The following ZNF566 variants were observed in gnomAD, a reference collection of about 807,000 sequenced individuals.
The protein encoded by ZNF566 is zinc finger protein 566.
In ZNF566, 27 loss-of-function variants were observed where a neutral mutation model predicts 32.8. The ratio of observed to expected loss-of-function variants is 0.82; its 90% CI spans 0.61 to 1.14. The LOEUF is 1.14. Among genes scored for constraint, ZNF566 ranks in the 50% most tolerant of loss-of-function variants. The pLI, the probability that ZNF566 is intolerant of heterozygous loss-of-function variation, is 0.00. For synonymous variants in ZNF566, 154 were observed against 159.5 expected, an observed-to-expected ratio of 0.97 and a Z score of 0.26; for missense variants, 402 against 490.4, an observed-to-expected ratio of 0.82 and a Z score of 1.70.
At chr19:36,481,491 A>AAAG (rs1555775218) in intron 1 of ZNF566, among the ~76,000 whole-genome samples, 21 of 135,094 alleles carry the variant, frequency 1.6e-4, no homozygotes, top group Non-Finnish European at 2.5e-4. Flanking sequence ...AAAAAAAAAA[A>AAAG]AAAAGAAAAG....
At position 36,459,819 on chromosome 19, in the gene ZNF566, C is replaced by CT. The variant is rs77529506; in HGVS notation, c.233-9819dup. On this transcript the variant is annotated intron_variant, in intron 4 of 4. Transcript: ENST00000452939. ...AGCCACCGCGCCTGGCCACCTATTA[C>CT]TTTTTTTTTTTTTTTTTGAGACAGA... 9.7e-3 allele frequency among the ~76,000 whole-genome samples: 1,311 copies of CT among 135,236 alleles called. 20 individuals carry two copies. Among genetic ancestry groups the CT allele is most frequent in the African/African-American group, 0.033 (1,193 of 36,592 alleles). The allele number at this position is 135,236 out of a possible 152,430, so 88.7% of individuals were successfully genotyped here.
At chr19:36,471,746 CTTTT>C in intron 4 of ZNF566, among the ~76,000 whole-genome samples, 1 of 151,654 alleles carries the variant, frequency 6.6e-6, no homozygotes, top group African/African-American at 2.4e-5. Context: ...TATGCATGTT[CTTTT>C]TTTTCTTTTT....
chr19:36,486,454 C>A (rs977611250), intron 1 of ZNF566, among the ~76,000 whole-genome samples: 1 of 151,962 alleles, frequency 6.6e-6, no homozygotes, highest in Non-Finnish European at 1.5e-5. Flanking sequence ...GTTGGATCAC[C>A]TGAGATCAGG....
chr19:36,467,727 G>A lies in ZNF566; in HGVS notation c.232+5184C>T, dbSNP rs185248330. 7.7e-5 allele frequency among the ~76,000 whole-genome samples: 11 copies of A among 142,966 alleles called. No homozygotes were observed. In the East Asian group the frequency reaches 2.3e-3, roughly 30 times the overall value. The allele number at this position is 142,966 out of a possible 152,430, so 93.8% of individuals were successfully genotyped here. A position where few individuals can be genotyped will look rare whatever the true frequency, so the allele number is the denominator to read the frequency against. ...AATTGCTTGAACCTGGAAGGCAGAGGTTGCAGTGAGCTGAGATCATGCCAC... is the reference window on the plus strand; with the variant it reads ...AATTGCTTGAACCTGGAAGGCAGAGATTGCAGTGAGCTGAGATCATGCCAC... On this transcript the variant is annotated intron_variant, in intron 4 of 4. Coordinates refer to ENST00000452939, the MANE Select transcript of ZNF566 (RefSeq NM_001145344.1).
chr19:36,447,407 T>C lies in ZNF566; in HGVS notation c.*1570A>G, dbSNP rs754562634. The C allele has an allele frequency of 4.6e-5, 7 of 152,230 alleles. No homozygotes were observed. The highest frequency in any genetic ancestry group is 7.3e-5 in the Non-Finnish European group (5 of 68,046). 9.4% of individuals were successfully genotyped at this position (152,230 alleles called of 1,614,324 possible). A position where few individuals can be genotyped will look rare whatever the true frequency, so the allele number is the denominator to read the frequency against. On this transcript the variant is annotated 3_prime_UTR_variant, in exon 5 of 5. Coordinates refer to ENST00000452939, the MANE Select transcript of ZNF566 (RefSeq NM_001145344.1). ...TGCTTCATTAGTAATAGTTAACTGA[T>C]CACATGCTAATTTTTCCCTGTTCTC...
Position 36,448,642 on chromosome 19 carries a change from C to CCG in ZNF566, c.*334_*335insCG, listed in dbSNP as rs1185330654. 1 of 180,012 alleles carries CCG rather than the reference C, an allele frequency of 5.6e-6. No individual in the cohort carries two copies. Among genetic ancestry groups the CCG allele is most frequent in the East Asian group, 1.5e-4 (1 of 6,786 alleles). The allele number at this position is 180,012 out of a possible 1,614,324, so 11.2% of individuals were successfully genotyped here. A position where few individuals can be genotyped will look rare whatever the true frequency, so the allele number is the denominator to read the frequency against. On this transcript the variant is annotated 3_prime_UTR_variant, in exon 5 of 5. Coordinates refer to ENST00000452939, the MANE Select transcript of ZNF566 (RefSeq NM_001145344.1). ...AGAAATTAGGGGAAAAAATGACAAT[C>CCG]ACAGGACTACATTTCTACAAAAATT... is the stretch of plus-strand genomic sequence containing the variant.
intron 1 of ZNF566, among the ~76,000 whole-genome samples, chr19:36,487,282 C>T (rs2891868): frequency 0.18 from 27,861 of 151,920 alleles, 2,771 homozygotes; most frequent in Non-Finnish European, 0.23. Flanking sequence ...ATGAGAGCTT[C>T]GTAGTATCTA....
chr19:36,466,281 G>T (rs932492915), intron 4 of ZNF566, among the ~76,000 whole-genome samples: 6 of 152,274 alleles, frequency 3.9e-5, no homozygotes, highest in Non-Finnish European at 8.8e-5. Context: ...AGACAACAAT[G>T]TACAGCTGTC....
At chr19:36,455,774 C>T (rs2033288840) in intron 4 of ZNF566, among the ~76,000 whole-genome samples, 1 of 149,976 alleles carries the variant, frequency 6.7e-6, no homozygotes, top group East Asian at 2.0e-4. Context: ...CATGCAGTGG[C>T]TTATGCCTGT....
At chr19:36,477,533 TTTTG>T (rs950980880) in intron 1 of ZNF566, among the ~76,000 whole-genome samples, 14 of 106,078 alleles carry the variant, frequency 1.3e-4, no homozygotes, top group Admixed American at 9.3e-4. Context: ...TCTGTTTTTT[TTTTG>T]TTTGTTTGTT....
chr19:36,457,386 A>G (rs974712624), intron 4 of ZNF566, among the ~76,000 whole-genome samples: 11 of 152,264 alleles, frequency 7.2e-5, no homozygotes, highest in Admixed American at 6.5e-5. Flanking sequence ...GAGACTATCC[A>G]CAGAGTGGGA....
chr19:36,464,945 A>T (rs2033575407), intron 4 of ZNF566, among the ~76,000 whole-genome samples: 2 of 152,250 alleles, frequency 1.3e-5, no homozygotes, highest in South Asian at 4.1e-4. Context: ...TTCAAAAGAT[A>T]TCATAACGAA....
intron 2 of ZNF566, among the ~76,000 whole-genome samples, chr19:36,474,847 A>G (rs1273220015): frequency 6.6e-6 from 1 of 152,234 alleles, no homozygotes; most frequent in Non-Finnish European, 1.5e-5. Context: ...CTCACTGAAT[A>G]CTATTCTATT....
intron 4 of ZNF566, among the ~76,000 whole-genome samples, chr19:36,451,695 T>C (rs1021716564): frequency 2.6e-5 from 4 of 152,198 alleles, no homozygotes; most frequent in Admixed American, 1.3e-4. Flanking sequence ...AGGATTGGGA[T>C]TAATGTTTGT....
chr19:36,459,127 T>C (rs2033393235), intron 4 of ZNF566, among the ~76,000 whole-genome samples: 1 of 152,014 alleles, frequency 6.6e-6, no homozygotes, highest in African/African-American at 2.4e-5. Context: ...TGACAGAAAA[T>C]AATAAGTCAT....
At chr19:36,480,552 T>C (rs2034001986) in intron 1 of ZNF566, among the ~76,000 whole-genome samples, 1 of 147,898 alleles carries the variant, frequency 6.8e-6, no homozygotes, top group African/African-American at 2.5e-5. Context: ...CCCAAAGTGC[T>C]GGGATTACAG....
intron 4 of ZNF566, among the ~76,000 whole-genome samples, chr19:36,466,449 A>C (rs1416581662): frequency 1.3e-5 from 2 of 152,210 alleles, no homozygotes; most frequent in Non-Finnish European, 2.9e-5. Context: ...AGGGCCAACT[A>C]TACGTATTTT....
At chr19:36,459,359 C>T (rs1391808248) in intron 4 of ZNF566, among the ~76,000 whole-genome samples, 1 of 152,092 alleles carries the variant, frequency 6.6e-6, no homozygotes, top group East Asian at 1.9e-4. Flanking sequence ...GGATTACAGG[C>T]ATGAGACACC....
At chr19:36,484,944 A>G (rs1429960088) in intron 1 of ZNF566, among the ~76,000 whole-genome samples, 1 of 152,166 alleles carries the variant, frequency 6.6e-6, no homozygotes, top group Non-Finnish European at 1.5e-5. Context: ...ATAAAATGGG[A>G]AAAACAGTGA....
Sources: gnomAD v4.1 joint callset for allele counts (sites outside exome capture counted in the v4.1 genomes callset) on GRCh38, gnomAD v4.1.1 for gene constraint, MANE v1.5 for transcripts, NCBI Gene and HGNC (gene_info 2026-07-23, HGNC 2026-07-21) for gene names.